TSKU: variants seen among roughly 807,000 people sequenced by gnomAD.
The protein encoded by TSKU is tsukushi, small leucine rich proteoglycan.
Under a neutral mutation model 11.2 loss-of-function variants are expected in TSKU, and 4 were observed. The ratio of observed to expected loss-of-function variants is 0.36; its 90% CI spans 0.18 to 0.82. The LOEUF is 0.82. TSKU is among the 40% of genes least tolerant of loss of function. The pLI is 0.50. For missense variants in TSKU, 407 were observed against 482.5 expected (o/e 0.84, Z 1.47); for synonymous variants, 220 against 232.2 (o/e 0.95, Z 0.48).
intron 1 of TSKU, 141 bp from the exon 2 acceptor site, chr11:76,795,468 C>A: frequency 9.8e-7 from 1 of 1,021,134 alleles, no homozygotes; most frequent in Non-Finnish European, 1.4e-6. Flanking sequence ...GGACTAGGAA[C>A]TCTGGGGAGT....
At chr11:76,787,728 G>T (rs1944326103) in intron 1 of TSKU, among the ~76,000 whole-genome samples, 1 of 152,190 alleles carries the variant, frequency 6.6e-6, no homozygotes, top group Non-Finnish European at 1.5e-5. Flanking sequence ...TCGCATCCCT[G>T]CCCACAGTAG....
intron 1 of TSKU, among the ~76,000 whole-genome samples, chr11:76,788,371 G>C (rs2134390092): frequency 6.6e-6 from 1 of 152,214 alleles, no homozygotes; most frequent in Non-Finnish European, 1.5e-5. Context: ...GCTGGGGCCA[G>C]GTAGGTTCAA....
In TSKU at chr11:76,796,775, C is replaced by T. The variant is rs113882774; in HGVS notation, c.*97C>T. On this transcript the variant is annotated 3_prime_UTR_variant, in exon 2 of 2. Coordinates refer to ENST00000333090, the MANE Select transcript of TSKU (RefSeq NM_015516.4). This position sits in a 1 kb window ranked among gnomAD's most constrained non-coding sequence, Gnocchi z 4.1. ...TCAATGTGCCAACACCAGTGGGGAGCCCGCAGGCCTATGTGGCAGCGTCAC... is the reference window on the plus strand; with the variant it reads ...TCAATGTGCCAACACCAGTGGGGAGTCCGCAGGCCTATGTGGCAGCGTCAC... 54 of 976,460 alleles carry T rather than the reference C, an allele frequency of 5.5e-5. No individual in the cohort carries two copies. The African/African-American group carries it at 7.0e-4, about 13-fold the overall frequency. 60.5% of individuals were successfully genotyped at this position (976,460 alleles called of 1,614,324 possible). A position where few individuals can be genotyped will look rare whatever the true frequency, so the allele number is the denominator to read the frequency against.
upstream of TSKU, chr11:76,783,236 C>T (rs1290177161): frequency 6.7e-6 from 1 of 150,236 alleles, no homozygotes; most frequent in African/African-American, 2.4e-5. Context: ...CTCCCTGAGC[C>T]GCCCCGCGGC....
chr11:76,793,124 G>C (rs1403122506), intron 1 of TSKU, among the ~76,000 whole-genome samples: 3 of 152,272 alleles, frequency 2.0e-5, no homozygotes, highest in Non-Finnish European at 4.4e-5. Flanking sequence ...GGTGTCTACT[G>C]TGCAGGGCTG....
At chr11:76,790,741 A>G (rs569192773) in intron 1 of TSKU, among the ~76,000 whole-genome samples, 13 of 152,308 alleles carry the variant, frequency 8.5e-5, no homozygotes, top group Non-Finnish European at 2.9e-5. Context: ...ACTTTCTTTT[A>G]TATGTTGCCC....
At chr11:76,792,274 T>C (rs1463714079) in intron 1 of TSKU, 2 of 152,250 alleles carry the variant, frequency 1.3e-5, no homozygotes, top group African/African-American at 2.4e-5. Context: ...AACAGCTGTA[T>C]TTACCCAATG....
rs143975414 is a variant in TSKU at position 76,796,201 on chromosome 11, G to A, written c.585G>A (p.Arg195=). The part of the protein sequence containing the change: ...TIQSLNLAWN[R]LHAVPNLRDL... ...AGAGCCTGAACCTGGCCTGGAACCG[G>A]CTCCATGCCGTGCCCAACCTCCGAG... The change falls in exon 2 of 2, where the codon CGG becomes CGA. Residue 195 remains arginine (R), a synonymous_variant. Coordinates refer to ENST00000333090, the MANE Select transcript of TSKU (RefSeq NM_015516.4). The surrounding 1 kb of genome is among the most constrained non-coding windows in gnomAD (Gnocchi z 4.1). 18 of 1,613,578 alleles carry A rather than the reference G, an allele frequency of 1.1e-5. No individual in the cohort carries two copies. Among genetic ancestry groups the A allele is most frequent in the Non-Finnish European group, 1.5e-5 (18 of 1,180,012 alleles).
At chr11:76,789,269 A>G (rs1417715583) in intron 1 of TSKU, among the ~76,000 whole-genome samples, 2 of 152,172 alleles carry the variant, frequency 1.3e-5, no homozygotes, top group Admixed American at 6.5e-5. Context: ...TCAAATCCAG[A>G]TGAGGGGCTG....
intron 1 of TSKU, among the ~76,000 whole-genome samples, chr11:76,794,899 C>T (rs1259155861): frequency 2.6e-5 from 4 of 152,204 alleles, no homozygotes; most frequent in Non-Finnish European, 5.9e-5. Flanking sequence ...AGGCCAGCCC[C>T]GGCCAGACCA....
Position 76,795,996 on chromosome 11 carries a change from G to A in TSKU, c.380G>A (p.Ser127Asn). 1 of 1,613,960 alleles carries A rather than the reference G, an allele frequency of 6.2e-7. No individual in the cohort carries two copies. Among genetic ancestry groups the A allele is most frequent in the Non-Finnish European group, 8.5e-7 (1 of 1,180,028 alleles). Residue 127 changes from serine to asparagine, a missense_variant, in exon 2 of 2, where the codon AGC (serine) becomes AAC (asparagine). By Grantham distance (46) the Ser-to-Asn change is conservative (BLOSUM62 1). Coordinates refer to ENST00000333090, the MANE Select transcript of TSKU (RefSeq NM_015516.4). ...GGCCTGACAGCCCTGCCAGCCGAGA[G>A]CTTCACCAGCTCACCCCTGAGCGAC... ...HNGLTALPAE[S>N]FTSSPLSDVN... is the part of the protein sequence containing the mutation.
rs952414744 is a variant in TSKU at position 76,797,941 on chromosome 11, G to A, written c.*1263G>A. The A allele has an allele frequency of 4.2e-5, 7 of 167,116 alleles. No homozygotes were observed. The highest frequency in any genetic ancestry group is 1.4e-4 in the African/African-American group (6 of 41,460). The allele number at this position is 167,116 out of a possible 1,614,324, so 10.4% of individuals were successfully genotyped here. A position where few individuals can be genotyped will look rare whatever the true frequency, so the allele number is the denominator to read the frequency against. ...TGGAGACATGTCATTTGTAAAAGCA[G>A]AAAAAGGTTGCATTTGTTCACTTTT... On this transcript the variant is annotated 3_prime_UTR_variant, in exon 2 of 2. Coordinates refer to ENST00000333090, the MANE Select transcript of TSKU (RefSeq NM_015516.4).
chr11:76,796,526 G>A lies in TSKU; in HGVS notation c.910G>A (p.Ala304Thr). Residue 304 changes from alanine (A) to threonine (T), a missense_variant, in exon 2 of 2, where the codon GCA (alanine) becomes ACA (threonine). Coordinates refer to ENST00000333090, the MANE Select transcript of TSKU (RefSeq NM_015516.4). This position sits in a 1 kb window ranked among gnomAD's most constrained non-coding sequence, Gnocchi z 4.1. ...LPEALLLHLP[A>T]LQSVSVGQDV... ...TGAGGCGCTGCTCCTCCACCTCCCG[G>A]CACTGCAGAGCGTCAGCGTGGGCCA... The A allele has an allele frequency of 6.2e-7, 1 of 1,608,568 alleles. No individual in the cohort carries two copies. The highest frequency in any genetic ancestry group is 2.2e-5 in the East Asian group (1 of 44,704).
At position 76,796,127 on chromosome 11, in the gene TSKU, C is replaced by T. The variant is rs762700248; in HGVS notation, c.511C>T (p.Arg171Cys). ...GGACCTCTCCCACAACCTCATTCAC[C>T]GCCTCGTGCCCCACCCCACGAGGGC... ...HVDLSHNLIH[R>C]LVPHPTRAGL... is the part of the protein sequence containing the mutation. The change falls in exon 2 of 2, where the codon CGC becomes TGC. Residue 171 changes from arginine to cysteine, a missense_variant. Arg to Cys is a radical substitution (Grantham distance 180, BLOSUM62 -3). Coordinates refer to ENST00000333090, the MANE Select transcript of TSKU (RefSeq NM_015516.4). This position sits in a 1 kb window ranked among gnomAD's most constrained non-coding sequence, Gnocchi z 4.1. 3.8e-5 allele frequency: 61 copies of T among 1,613,812 alleles called. No individual in the cohort carries two copies. Among genetic ancestry groups the T allele is most frequent in the Non-Finnish European group, 4.7e-5 (55 of 1,180,038 alleles).
At position 76,796,300 on chromosome 11, in the gene TSKU, G is replaced by A; in HGVS notation, c.684G>A (p.Leu228=). The change falls in exon 2 of 2, where the codon CTG becomes CTA. Residue 228 remains leucine, a synonymous_variant. Coordinates refer to ENST00000333090, the MANE Select transcript of TSKU (RefSeq NM_015516.4). The surrounding 1 kb of genome is among the most constrained non-coding windows in gnomAD (Gnocchi z 4.1). ...TTGGTCCGGGTGCCTTCGCGGGGCT[G>A]GGAGGCCTTACACACCTGTCTCTGG... ...AVIGPGAFAG[L]GGLTHLSLAS... 5 of 1,613,308 alleles carry A rather than the reference G, an allele frequency of 3.1e-6. No homozygotes were observed. The highest frequency in any genetic ancestry group is 4.2e-6 in the Non-Finnish European group (5 of 1,179,992).
At position 76,796,228 on chromosome 11, in the gene TSKU, C is replaced by T. The variant is rs1197815436; in HGVS notation, c.612C>T (p.Asp204=). The change falls in exon 2 of 2, where the codon GAC becomes GAT. Residue 204 remains aspartate (D), a synonymous_variant. Coordinates refer to ENST00000333090, the MANE Select transcript of TSKU (RefSeq NM_015516.4). This position sits in a 1 kb window ranked among gnomAD's most constrained non-coding sequence, Gnocchi z 4.1. ...NRLHAVPNLR[D]LPLRYLSLDG... Reference sequence around the variant, plus strand: ...TCCATGCCGTGCCCAACCTCCGAGACTTGCCCCTGCGCTACCTGAGCCTGG... The same window carrying T: ...TCCATGCCGTGCCCAACCTCCGAGATTTGCCCCTGCGCTACCTGAGCCTGG... The T allele has an allele frequency of 6.2e-7, 1 of 1,613,696 alleles. No homozygotes were observed. The highest frequency in any genetic ancestry group is 2.2e-5 in the East Asian group (1 of 44,868).
chr11:76,796,074 C>T lies in TSKU; in HGVS notation c.458C>T (p.Thr153Met), dbSNP rs200873251. 10 of 1,614,108 alleles carry T rather than the reference C, an allele frequency of 6.2e-6. No homozygotes were observed. Among genetic ancestry groups the T allele is most frequent in the Admixed American group, 3.3e-5 (2 of 60,028 alleles). Residue 153 changes from threonine (T) to methionine (M), a missense_variant, in exon 2 of 2, where the codon ACG becomes ATG. Transcript: ENST00000333090. The surrounding 1 kb of genome is among the most constrained non-coding windows in gnomAD (Gnocchi z 4.1). ...LREVSVSAFTTHSQGRALHVD... is the reference protein window; with the variant it reads ...LREVSVSAFTMHSQGRALHVD... ...GAGGTCTCAGTGTCTGCCTTCACGA[C>T]GCACAGTCAGGGCCGGGCACTACAC...
At chr11:76,783,808 G>T (rs866567143) in intron 1 of TSKU, among the ~76,000 whole-genome samples, 7 of 152,216 alleles carry the variant, frequency 4.6e-5, no homozygotes, top group African/African-American at 1.7e-4. Context: ...GTCGGTGGGC[G>T]CATCGCGTGT....
intron 1 of TSKU, among the ~76,000 whole-genome samples, chr11:76,787,434 ACCTGGGT>A (rs974436656): frequency 2.6e-4 from 39 of 152,280 alleles, no homozygotes; most frequent in African/African-American, 9.1e-4. Flanking sequence ...ATGTCAGAAT[ACCTGGGT>A]CCTGGGTCCA....
Sources: gnomAD v4.1 joint callset for allele counts (sites outside exome capture counted in the v4.1 genomes callset) on GRCh38, gnomAD v4.1.1 for gene constraint, Gnocchi (gnomAD v3.1) non-coding constraint, MANE v1.5 for transcripts, NCBI Gene and HGNC (gene_info 2026-07-23, HGNC 2026-07-21) for gene names.